OVOL1: variants seen among roughly 807,000 people sequenced by gnomAD.
OVOL1 encodes ovo like transcriptional repressor 1, also known as putative transcription factor Ovo-like 1.
OVOL1 carries 10 observed loss-of-function variants against 21.5 expected under a neutral mutation model. That is an observed-to-expected ratio of 0.46 (90% CI 0.29 to 0.79). The LOEUF is 0.79. Ranked by LOEUF, OVOL1 falls within the 30% of genes least tolerant of loss-of-function variation. The probability of loss-of-function intolerance (pLI) is 0.10; values close to 1 mark genes in which losing one functional copy is unlikely to be tolerated. For missense variants in OVOL1, 279 were observed against 362.3 expected, an observed-to-expected ratio of 0.77 and a Z score of 1.87; for synonymous variants, 129 against 150.3, an observed-to-expected ratio of 0.86 and a Z score of 1.03.
At chr11:65,788,549 T>G in intron 1 of OVOL1, 1 of 985,324 alleles carries the variant, frequency 1.0e-6, no homozygotes, top group African/African-American at 1.7e-5. Context: ...CCCCAGGCCT[T>G]GTAGGAAAGT....
At chr11:65,792,544 A>T (rs1274570304) in intron 1 of OVOL1, 3 of 152,274 alleles carry the variant, frequency 2.0e-5, no homozygotes, top group Non-Finnish European at 4.4e-5. Context: ...GCCTGGGTAG[A>T]CAGCCAGACC....
intron 1 of OVOL1, chr11:65,788,381 G>T (rs546172117): frequency 2.2e-6 from 2 of 892,434 alleles, no homozygotes; most frequent in African/African-American, 3.6e-5. Context: ...AAAGTCTTTG[G>T]TCTGGAGAAA....
intron 1 of OVOL1, chr11:65,788,344 C>T (rs2135698121): frequency 5.3e-6 from 2 of 377,376 alleles, no homozygotes; most frequent in Middle Eastern, 2.7e-3. Context: ...AACACTCCTA[C>T]CCCTTCTGTC....
In OVOL1 at chr11:65,795,381, G is replaced by C. The variant is rs72922786; in HGVS notation, c.*40G>C. ...GGGGGTGCTCCTGGAAGCCCCAAGA[G>C]CATCCAGGATTGCCTCCCAGCTGCC... is the stretch of plus-strand genomic sequence containing the variant. On this transcript the variant is annotated 3_prime_UTR_variant, in exon 4 of 4. Coordinates refer to ENST00000335987, the MANE Select transcript of OVOL1 (RefSeq NM_004561.4). The surrounding 1 kb of genome is among the most constrained non-coding windows in gnomAD (Gnocchi z 5.7). 202,344 of 1,527,278 alleles carry C rather than the reference G, an allele frequency of 0.13. 17,534 individuals are homozygous for C. The highest frequency in any genetic ancestry group is 0.38 in the Admixed American group (19,402 of 50,996). 94.6% of individuals were successfully genotyped at this position (1,527,278 alleles called of 1,614,324 possible). A position where few individuals can be genotyped will look rare whatever the true frequency, so the allele number is the denominator to read the frequency against.
In OVOL1 at chr11:65,788,475, G is replaced by T. The variant is rs1027753423; in HGVS notation, c.100+1002G>T. 5.1e-6 allele frequency: 5 copies of T among 982,762 alleles called. No individual in the cohort carries two copies. The African/African-American group carries it at 8.7e-5, about 17-fold the overall frequency. The allele number at this position is 982,762 out of a possible 1,614,324, so 60.9% of individuals were successfully genotyped here. A position where few individuals can be genotyped will look rare whatever the true frequency, so the allele number is the denominator to read the frequency against. On this transcript the variant is annotated intron_variant, in intron 1 of 3. Coordinates refer to ENST00000335987, the MANE Select transcript of OVOL1 (RefSeq NM_004561.4). The stretch of plus-strand genomic sequence containing the variant: ...GAACGCCCAGCCCAGCCCCTCCGAG[G>T]GGGGAGGGGAGGAGTAATTAACCAA...
chr11:65,793,240 G>T (rs1453167357), intron 1 of OVOL1, among the ~76,000 whole-genome samples: 2 of 152,198 alleles, frequency 1.3e-5, no homozygotes, highest in African/African-American at 2.4e-5. Context: ...CGGCCCGTTC[G>T]GTGTGAGGTG....
At chr11:65,790,142 A>G (rs1857986207) in intron 1 of OVOL1, 1 of 150,240 alleles carries the variant, frequency 6.7e-6, no homozygotes, top group Non-Finnish European at 1.5e-5. Context: ...AAACCTAGGC[A>G]CCTGTACCCA....
intron 1 of OVOL1, chr11:65,788,409 C>T: frequency 4.1e-6 from 4 of 977,836 alleles, no homozygotes; most frequent in Non-Finnish European, 4.9e-6. Flanking sequence ...TCCTTCCGAA[C>T]GCCCCCTCCC....
chr11:65,789,548 C>T (rs1188196758), intron 1 of OVOL1: 4 of 389,572 alleles, frequency 1.0e-5, no homozygotes, highest in Non-Finnish European at 1.4e-5. Flanking sequence ...AGGGACTGTC[C>T]TCAGTCCACG....
At chr11:65,794,355 C>A in intron 2 of OVOL1, 107 bp downstream of exon 2, 2 of 1,207,672 alleles carry the variant, frequency 1.7e-6, no homozygotes, top group Non-Finnish European at 2.4e-6. Context: ...TGACCTGGGA[C>A]CTGGGCCAAG....
At chr11:65,791,353 GC>G (rs1858013110) in intron 1 of OVOL1, among the ~76,000 whole-genome samples, 2 of 152,224 alleles carry the variant, frequency 1.3e-5, no homozygotes, top group South Asian at 4.1e-4. Context: ...GACATGCTGG[GC>G]CCCCGTCTCA....
In OVOL1 at chr11:65,797,145, C is replaced by T. The variant is rs1431186029; in HGVS notation, c.*1804C>T. ...CCTGGGTTGACTGCCAATCCGAGGC[C>T]GTCATGAAGCTCTGTGTTGTCTGTT... is the stretch of plus-strand genomic sequence containing the variant. On this transcript the variant is annotated 3_prime_UTR_variant, in exon 4 of 4. Coordinates refer to ENST00000335987, the MANE Select transcript of OVOL1 (RefSeq NM_004561.4). 1 of 152,162 alleles carries T rather than the reference C, an allele frequency of 6.6e-6. No individual in the cohort carries two copies. Among genetic ancestry groups the T allele is most frequent in the Non-Finnish European group, 1.5e-5 (1 of 68,034 alleles). The allele number at this position is 152,162 out of a possible 1,614,324, so 9.4% of individuals were successfully genotyped here. A position where few individuals can be genotyped will look rare whatever the true frequency, so the allele number is the denominator to read the frequency against.
intron 3 of OVOL1, 34 bp downstream of exon 3, chr11:65,794,761 C>T (rs550440086): frequency 2.0e-5 from 32 of 1,597,356 alleles, no homozygotes; most frequent in South Asian, 1.2e-4. Context: ...AGGAGCACGC[C>T]GGATCCGCCT....
intron 1 of OVOL1, among the ~76,000 whole-genome samples, chr11:65,792,855 C>G (rs779341287): frequency 6.6e-6 from 1 of 152,244 alleles, no homozygotes; most frequent in Non-Finnish European, 1.5e-5. Flanking sequence ...TGTCCCTGTC[C>G]TCCTGGGAGA....
chr11:65,794,370 C>A (rs1858085512), intron 2 of OVOL1, 122 bp downstream of exon 2: 1 of 1,136,096 alleles, frequency 8.8e-7, no homozygotes, highest in South Asian at 1.4e-5. Context: ...GCCAAGGTTT[C>A]TGCAGAGGAG....
At position 65,795,241 on chromosome 11, in the gene OVOL1, A is replaced by G; in HGVS notation, c.704A>G (p.His235Arg). ...QEGHVLHLKE[H>R]HPDSPLLRKT... is the part of the protein sequence containing the mutation. The stretch of plus-strand genomic sequence containing the variant: ...GGCCACGTCCTGCACCTGAAGGAGC[A>G]CCACCCTGACAGCCCGCTGCTGCGC... The change falls in exon 4 of 4, where the codon CAC (histidine) becomes CGC (arginine). Residue 235 changes from histidine (H) to arginine (R), a missense_variant. Transcript: ENST00000335987. This position sits in a 1 kb window ranked among gnomAD's most constrained non-coding sequence, Gnocchi z 5.7. 2 of 1,613,506 alleles carry G rather than the reference A, an allele frequency of 1.2e-6. No individual in the cohort carries two copies. Among genetic ancestry groups the G allele is most frequent in the East Asian group, 2.2e-5 (1 of 44,870 alleles).
intron 1 of OVOL1, chr11:65,788,478 G>C: frequency 2.0e-6 from 2 of 983,804 alleles, no homozygotes; most frequent in Non-Finnish European, 2.4e-6. Context: ...CTCCGAGGGG[G>C]GAGGGGAGGA....
intron 1 of OVOL1, chr11:65,790,558 A>C (rs924773535): frequency 1.3e-5 from 2 of 152,352 alleles, no homozygotes; most frequent in African/African-American, 4.8e-5. Context: ...TTGGGGCCCA[A>C]GGATGTGTCG....
In OVOL1 at chr11:65,795,476, G is replaced by A. The variant is rs1302600964; in HGVS notation, c.*135G>A. On this transcript the variant is annotated 3_prime_UTR_variant, in exon 4 of 4. Coordinates refer to ENST00000335987, the MANE Select transcript of OVOL1 (RefSeq NM_004561.4). The surrounding 1 kb of genome is among the most constrained non-coding windows in gnomAD (Gnocchi z 5.7). ...TCAGGACTGGAGCCCCCGTGCCTTG[G>A]TCTCCCCCCTGGGCACACGTGCTCA... The A allele has an allele frequency of 5.0e-6, 4 of 805,072 alleles. No individual in the cohort carries two copies. The highest frequency in any genetic ancestry group is 1.7e-5 in the South Asian group (1 of 58,580). 49.9% of individuals were successfully genotyped at this position (805,072 alleles called of 1,614,324 possible). A position where few individuals can be genotyped will look rare whatever the true frequency, so the allele number is the denominator to read the frequency against.
Sources: allele counts gnomAD v4.1 joint callset (sites outside exome capture counted in the v4.1 genomes callset), GRCh38; gene constraint gnomAD v4.1.1; non-coding constraint Gnocchi (gnomAD v3.1); transcripts MANE v1.5; gene names NCBI Gene and HGNC (gene_info 2026-07-23, HGNC 2026-07-21).